Variants in MSMB observed in about 807,000 individuals in gnomAD.
MSMB encodes microseminoprotein beta, also known as beta-microseminoprotein.
Under a neutral mutation model 10.5 loss-of-function variants are expected in MSMB, and 10 were observed. The ratio of observed to expected loss-of-function variants is 0.95; its 90% CI spans 0.59 to 1.62. MSMB has a LOEUF of 1.62. Ranked by LOEUF, MSMB falls within the 40% of genes most tolerant of loss-of-function variation. The pLI is 0.00. For missense variants in MSMB, 126 were observed against 137.4 expected, an observed-to-expected ratio of 0.92 and a Z score of 0.42; for synonymous variants, 43 against 46.5, an observed-to-expected ratio of 0.93 and a Z score of 0.30.
intron 3 of MSMB, among the ~76,000 whole-genome samples, chr10:46,036,204 C>T (rs1216645935): frequency 6.6e-6 from 1 of 152,160 alleles, no homozygotes; most frequent in African/African-American, 2.4e-5. Flanking sequence ...GGGCCCCCAG[C>T]CTCAGGCTCC....
chr10:46,037,201 G>A lies in MSMB; in HGVS notation c.215+1765C>T, dbSNP rs373708665. 4.0e-4 allele frequency among the ~76,000 whole-genome samples: 61 copies of A among 152,294 alleles called. No homozygotes were observed. The South Asian group carries it at 0.012, about 31-fold the overall frequency. ...CGCAGTGTCCTCATAAGACTCTCGA[G>A]GCACCTGTTAAAATTCAGATTCCTT... On this transcript the variant is annotated intron_variant, in intron 3 of 3. Transcript: ENST00000582163.
intron 3 of MSMB, among the ~76,000 whole-genome samples, chr10:46,035,548 C>T (rs1393279525): frequency 2.0e-5 from 3 of 152,156 alleles, no homozygotes; most frequent in Non-Finnish European, 2.9e-5. Flanking sequence ...ATAAGCCAGA[C>T]ACGAAAAGAC....
chr10:46,038,924 C>T (rs782797584), intron 3 of MSMB, 42 bp downstream of exon 3: 6 of 1,540,168 alleles, frequency 3.9e-6, no homozygotes, highest in Admixed American at 1.7e-5. Context: ...CCTCAGAGAA[C>T]AGCTATGTCC....
intron 3 of MSMB, 42 bp from the exon 4 acceptor site, chr10:46,033,593 AC>A (rs782420419): frequency 6.2e-7 from 1 of 1,605,914 alleles, no homozygotes; most frequent in Non-Finnish European, 8.5e-7. Flanking sequence ...AAGAGAAAGG[AC>A]CCCGAGCACC....
intron 2 of MSMB, 51 bp downstream of exon 2, chr10:46,039,934 TC>T: frequency 7.5e-7 from 1 of 1,330,514 alleles, no homozygotes; most frequent in Non-Finnish European, 1.1e-6. Flanking sequence ...TGCAGACAGG[TC>T]CATCTACCAG....
chr10:46,045,815 C>G (rs1427237513), intron 1 of MSMB, among the ~76,000 whole-genome samples: 1 of 152,162 alleles, frequency 6.6e-6, no homozygotes, highest in Non-Finnish European at 1.5e-5. Flanking sequence ...GGGTTCCTAT[C>G]TCAGCTCATT....
intron 1 of MSMB, 69 bp downstream of exon 1, chr10:46,046,166 G>C: frequency 6.9e-7 from 1 of 1,459,274 alleles, no homozygotes; most frequent in Non-Finnish European, 9.6e-7. Flanking sequence ...AGAAGCACAC[G>C]CATATTAAAA....
intron 3 of MSMB, among the ~76,000 whole-genome samples, chr10:46,037,404 A>G (rs1458016889): frequency 1.3e-5 from 2 of 152,194 alleles, no homozygotes; most frequent in Admixed American, 6.5e-5. Flanking sequence ...CCAAGGCTAC[A>G]TGAAGAGGTT....
At chr10:46,036,381 T>C (rs1840605247) in intron 3 of MSMB, among the ~76,000 whole-genome samples, 1 of 152,222 alleles carries the variant, frequency 6.6e-6, no homozygotes, top group Non-Finnish European at 1.5e-5. Flanking sequence ...AAGAAGGTGT[T>C]GATTCATTTC....
At chr10:46,037,871 T>C (rs1279338990) in intron 3 of MSMB, among the ~76,000 whole-genome samples, 1 of 152,230 alleles carries the variant, frequency 6.6e-6, no homozygotes, top group Non-Finnish European at 1.5e-5. Context: ...ACAACCCAAG[T>C]GTTCATCAAC....
At position 46,046,155 on chromosome 10, in the gene MSMB, T is replaced by C. The variant is rs7921336; in HGVS notation, c.3+80A>G. 2,103 of 1,398,010 alleles carry C rather than the reference T, an allele frequency of 1.5e-3. 16 individuals carry two copies. In the African/African-American group the frequency reaches 0.026, roughly 17 times the overall value. 86.6% of individuals were successfully genotyped at this position (1,398,010 alleles called of 1,614,324 possible). On this transcript the variant is annotated intron_variant, in intron 1 of 3. Coordinates refer to ENST00000582163, the MANE Select transcript of MSMB (RefSeq NM_002443.4). ...ACATTTACCATTCAATGCTATGTGG[T>C]AGAAGCACACGCATATTAAAATAGG... is the stretch of plus-strand genomic sequence containing the variant.
At chr10:46,035,861 T>G (rs1448080643) in intron 3 of MSMB, among the ~76,000 whole-genome samples, 1 of 152,218 alleles carries the variant, frequency 6.6e-6, no homozygotes, top group Non-Finnish European at 1.5e-5. Context: ...TGGTGTTTGT[T>G]GAAGAGATAC....
intron 1 of MSMB, among the ~76,000 whole-genome samples, chr10:46,041,521 C>T (rs1840753683): frequency 6.6e-6 from 1 of 152,108 alleles, no homozygotes; most frequent in Non-Finnish European, 1.5e-5. Flanking sequence ...AGGGAGGGCA[C>T]AGTGTCTCAA....
intron 1 of MSMB, among the ~76,000 whole-genome samples, chr10:46,044,115 T>C (rs1840822827): frequency 6.6e-6 from 1 of 152,168 alleles, no homozygotes; most frequent in Non-Finnish European, 1.5e-5. Flanking sequence ...ATTCCTGTCT[T>C]CTATTCTGCC....
At chr10:46,041,182 A>G (rs1840741871) in intron 1 of MSMB, among the ~76,000 whole-genome samples, 1 of 152,072 alleles carries the variant, frequency 6.6e-6, no homozygotes, top group Non-Finnish European at 1.5e-5. Context: ...ATTCTCTACT[A>G]AAATACCAAA....
In MSMB at chr10:46,038,911, G is replaced by C. The variant is rs1840677159; in HGVS notation, c.215+55C>G. 2.0e-6 allele frequency: 3 copies of C among 1,482,032 alleles called. No homozygotes were observed. In the African/African-American group the frequency reaches 4.2e-5, roughly 21 times the overall value. The allele number at this position is 1,482,032 out of a possible 1,614,324, so 91.8% of individuals were successfully genotyped here. On this transcript the variant is annotated intron_variant, in intron 3 of 3. Coordinates refer to ENST00000582163, the MANE Select transcript of MSMB (RefSeq NM_002443.4). ...TGGAATTTTGCAAGACGGAGTAGCT[G>C]TTCCTCAGAGAACAGCTATGTCCCC... is the stretch of plus-strand genomic sequence containing the variant.
intron 2 of MSMB, 145 bp downstream of exon 2, chr10:46,039,841 C>T (rs1840701388): frequency 1.7e-6 from 1 of 596,376 alleles, no homozygotes; most frequent in African/African-American, 1.9e-5. Context: ...GAAATGGTGC[C>T]ACTGCACTCC....
At chr10:46,035,987 C>A (rs1554927484) in intron 3 of MSMB, among the ~76,000 whole-genome samples, 1 of 152,186 alleles carries the variant, frequency 6.6e-6, no homozygotes, top group Non-Finnish European at 1.5e-5. Flanking sequence ...GCAAACCAGA[C>A]TTAGCTCTAT....
intron 3 of MSMB, among the ~76,000 whole-genome samples, chr10:46,038,570 G>A (rs888947233): frequency 2.0e-5 from 3 of 152,142 alleles, no homozygotes; most frequent in Non-Finnish European, 4.4e-5. Context: ...TTACAGGCGT[G>A]AGCCATTGTG....
Sources: allele counts gnomAD v4.1 joint callset (sites outside exome capture counted in the v4.1 genomes callset), GRCh38; gene constraint gnomAD v4.1.1; transcripts MANE v1.5; gene names NCBI Gene and HGNC (gene_info 2026-07-23, HGNC 2026-07-21).